The following PANX1 variants were observed in gnomAD, a reference collection of about 807,000 sequenced individuals.
PANX1 encodes the protein pannexin-1.
Under a neutral mutation model 38.7 loss-of-function variants are expected in PANX1, and 30 were observed. The ratio of observed to expected loss-of-function variants is 0.78; its 90% CI spans 0.58 to 1.05. The LOEUF (loss-of-function observed/expected upper bound fraction) is 1.05, where lower values mean the gene tolerates loss of function less well. PANX1 is among the 50% of genes least tolerant of loss of function. The pLI is 0.00. For synonymous variants in PANX1, 230 were observed against 212.2 expected (o/e 1.08, Z -0.73); for missense variants, 551 against 517.2 (o/e 1.07, Z -0.63).
intron 1 of PANX1, among the ~76,000 whole-genome samples, chr11:94,148,108 A>C (rs1255186708): frequency 6.6e-6 from 1 of 152,120 alleles, no homozygotes; most frequent in African/African-American, 2.4e-5. Flanking sequence ...TGGGCTGCGG[A>C]GGGTACTTAT....
intron 2 of PANX1, among the ~76,000 whole-genome samples, chr11:94,160,339 C>G (rs1310083656): frequency 6.6e-6 from 1 of 152,000 alleles, no homozygotes; most frequent in African/African-American, 2.4e-5. Flanking sequence ...TTAAAGTCTC[C>G]CATTATTATT....
chr11:94,156,230 G>C (rs867453674), intron 2 of PANX1, among the ~76,000 whole-genome samples: 1 of 152,216 alleles, frequency 6.6e-6, no homozygotes, highest in Non-Finnish European at 1.5e-5. Context: ...CAGATCTTCA[G>C]ACTTCTAGCC....
intron 1 of PANX1, among the ~76,000 whole-genome samples, chr11:94,136,797 A>C (rs1946698470): frequency 6.6e-6 from 1 of 152,064 alleles, no homozygotes; most frequent in African/African-American, 2.4e-5. Flanking sequence ...TGATACATAG[A>C]AGTATTAGGC....
intron 1 of PANX1, among the ~76,000 whole-genome samples, chr11:94,136,703 G>A (rs1946696633): frequency 6.6e-6 from 1 of 152,078 alleles, no homozygotes. Flanking sequence ...GGGAGGCGGA[G>A]CTTGCAGTGA....
At chr11:94,161,798 T>G (rs1281654487) in intron 2 of PANX1, among the ~76,000 whole-genome samples, 1 of 152,218 alleles carries the variant, frequency 6.6e-6, no homozygotes. Context: ...AGAGGTGCTC[T>G]GATTTTTAGT....
intron 1 of PANX1, among the ~76,000 whole-genome samples, chr11:94,148,754 CTT>C (rs1199619098): frequency 2.0e-5 from 3 of 152,098 alleles, no homozygotes; most frequent in African/African-American, 7.2e-5. Flanking sequence ...ATTTCGCAGA[CTT>C]TTAAAATCAT....
intron 1 of PANX1, among the ~76,000 whole-genome samples, chr11:94,141,449 T>A (rs760705040): frequency 6.6e-6 from 1 of 152,114 alleles, no homozygotes; most frequent in Non-Finnish European, 1.5e-5. Context: ...GACTGCCCCC[T>A]CCCTCCCCAG....
chr11:94,159,967 GT>G (rs1947003417), intron 2 of PANX1, among the ~76,000 whole-genome samples: 1 of 151,794 alleles, frequency 6.6e-6, no homozygotes, highest in South Asian at 2.1e-4. Flanking sequence ...CTTTATTTCT[GT>G]CTTCATTTCG....
intron 2 of PANX1, among the ~76,000 whole-genome samples, chr11:94,173,639 C>T (rs1002143857): frequency 4.6e-5 from 7 of 151,630 alleles, no homozygotes; most frequent in African/African-American, 7.3e-5. Flanking sequence ...TATGTCTCCC[C>T]CATCTGTTGC....
chr11:94,164,872 A>G (rs1168698190), intron 2 of PANX1, among the ~76,000 whole-genome samples: 1 of 152,204 alleles, frequency 6.6e-6, no homozygotes, highest in Non-Finnish European at 1.5e-5. Context: ...GGGTGCTTAT[A>G]TATTTACAAT....
chr11:94,129,218 C>T lies in PANX1; in HGVS notation c.-95C>T. Reference sequence around the variant, plus strand: ...GAGCAGGCAAAGGGAAAGCGAAAGCCGCGCGCCCGGCCGGTGACTGGGTGA... The same window carrying T: ...GAGCAGGCAAAGGGAAAGCGAAAGCTGCGCGCCCGGCCGGTGACTGGGTGA... On this transcript the variant is annotated 5_prime_UTR_variant, in exon 1 of 5. Transcript: ENST00000227638. 9.1e-7 allele frequency: 1 copy of T among 1,094,076 alleles called. No individual in the cohort carries two copies. The highest frequency in any genetic ancestry group is 1.6e-5 in the South Asian group (1 of 62,446). 67.8% of individuals were successfully genotyped at this position (1,094,076 alleles called of 1,614,324 possible). A position where few individuals can be genotyped will look rare whatever the true frequency, so the allele number is the denominator to read the frequency against.
intron 2 of PANX1, among the ~76,000 whole-genome samples, chr11:94,172,202 T>C (rs546476380): frequency 1.7e-3 from 261 of 151,726 alleles, no homozygotes; most frequent in Middle Eastern, 3.4e-3. Flanking sequence ...GCCATTAGGT[T>C]GGAGCTTCTG....
chr11:94,168,115 C>G (rs1325411033), intron 2 of PANX1, among the ~76,000 whole-genome samples: 2 of 151,950 alleles, frequency 1.3e-5, no homozygotes, highest in African/African-American at 4.8e-5. Context: ...TTTTTTTTCC[C>G]TTTTCATAAA....
rs139492001 is a variant in PANX1, at chr11:94,149,315, A to G, written c.182-4176A>G. ...AGGCTATGTTACTTTCTAATCATTT[A>G]TAGGTACAGGTCAAGGCTACACCAA... On this transcript the variant is annotated intron_variant, in intron 1 of 4. Coordinates refer to ENST00000227638, the MANE Select transcript of PANX1 (RefSeq NM_015368.4). Among the ~76,000 whole-genome samples the G allele has an allele frequency of 2.4e-3, 366 of 152,236 alleles. 7 individuals carry two copies. Among genetic ancestry groups the G allele is most frequent in the Middle Eastern group, 0.017 (5 of 294 alleles).
chr11:94,161,688 A>G (rs936326917), intron 2 of PANX1, among the ~76,000 whole-genome samples: 2 of 152,056 alleles, frequency 1.3e-5, no homozygotes, highest in Admixed American at 6.5e-5. Flanking sequence ...AGCTCGGAGT[A>G]GTTTGATCGT....
At chr11:94,149,078 C>G (rs1485788409) in intron 1 of PANX1, among the ~76,000 whole-genome samples, 1 of 152,024 alleles carries the variant, frequency 6.6e-6, no homozygotes, top group Non-Finnish European at 1.5e-5. Flanking sequence ...CTTCTCCTGC[C>G]TAGGAGCAGG....
intron 1 of PANX1, among the ~76,000 whole-genome samples, chr11:94,135,189 G>C (rs1374385606): frequency 6.6e-6 from 1 of 152,116 alleles, no homozygotes; most frequent in Admixed American, 6.5e-5. Context: ...GGTCAGCCGG[G>C]GACCCTGCCT....
chr11:94,141,887 C>T (rs1368819380), intron 1 of PANX1, among the ~76,000 whole-genome samples: 2 of 152,138 alleles, frequency 1.3e-5, no homozygotes, highest in Non-Finnish European at 2.9e-5. Flanking sequence ...GCGCTCGAAG[C>T]ACTGGAACGG....
intron 2 of PANX1, among the ~76,000 whole-genome samples, chr11:94,154,187 AG>A (rs2134495103): frequency 6.6e-6 from 1 of 152,280 alleles, no homozygotes; most frequent in Admixed American, 6.5e-5. Flanking sequence ...TGATAGATCC[AG>A]ATACTGCAGG....
Sources: allele counts gnomAD v4.1 joint callset (sites outside exome capture counted in the v4.1 genomes callset), GRCh38; gene constraint gnomAD v4.1.1; transcripts MANE v1.5; gene names NCBI Gene and HGNC (gene_info 2026-07-23, HGNC 2026-07-21).